The following GTF2E2 variants were observed in gnomAD, a reference collection of about 807,000 sequenced individuals.
GTF2E2 encodes the protein transcription initiation factor IIE subunit beta.
GTF2E2 carries 21 observed loss-of-function variants against 40.5 expected under a neutral mutation model. The ratio of observed to expected loss-of-function variants is 0.52; its 90% confidence interval spans 0.37 to 0.75. The LOEUF is 0.75. Ranked by LOEUF, GTF2E2 falls within the 30% of genes least tolerant of loss-of-function variation. The pLI is 0.00. For synonymous variants in GTF2E2, 117 were observed against 121.6 expected (o/e 0.96, Z 0.25); for missense variants, 298 against 338.4 (o/e 0.88, Z 0.94).
At chr8:30,592,569 A>C (rs561295176) in intron 6 of GTF2E2, among the ~76,000 whole-genome samples, 1 of 152,216 alleles carries the variant, frequency 6.6e-6, no homozygotes, top group African/African-American at 2.4e-5. Context: ...AGTCTCTGAT[A>C]TCAAATGGTA....
chr8:30,639,943 A>G (rs1424472512), intron 2 of GTF2E2, among the ~76,000 whole-genome samples: 1 of 152,172 alleles, frequency 6.6e-6, no homozygotes, highest in Non-Finnish European at 1.5e-5. Flanking sequence ...AAAGTACAGA[A>G]GCACCAAACA....
intron 2 of GTF2E2, chr8:30,645,714 T>C: frequency 2.8e-6 from 3 of 1,069,028 alleles, no homozygotes; most frequent in Non-Finnish European, 3.9e-6. Flanking sequence ...GGTTAAAACA[T>C]TTCTAGTAGA....
chr8:30,604,181 A>G (rs1829258414), intron 6 of GTF2E2, among the ~76,000 whole-genome samples: 1 of 152,158 alleles, frequency 6.6e-6, no homozygotes, highest in African/African-American at 2.4e-5. Context: ...CCAAAATCTG[A>G]CAAAGCACAC....
chr8:30,609,293 A>C (rs745413116), intron 5 of GTF2E2, among the ~76,000 whole-genome samples: 1 of 151,538 alleles, frequency 6.6e-6, no homozygotes, highest in African/African-American at 2.4e-5. Flanking sequence ...GAAAGAAAGA[A>C]AGAAAGAAAT....
intron 2 of GTF2E2, among the ~76,000 whole-genome samples, chr8:30,639,128 G>C (rs1801717523): frequency 6.6e-6 from 1 of 152,118 alleles, no homozygotes; most frequent in South Asian, 2.1e-4. Context: ...TAGAATATGA[G>C]AAAATAGTTC....
intron 6 of GTF2E2, among the ~76,000 whole-genome samples, chr8:30,588,291 C>CT (rs1470586630): frequency 2.0e-5 from 3 of 152,126 alleles, no homozygotes; most frequent in Non-Finnish European, 4.4e-5. Context: ...TGCAGCATTA[C>CT]TTACAACAGT....
intron 3 of GTF2E2, among the ~76,000 whole-genome samples, chr8:30,629,290 T>C (rs941334978): frequency 1.3e-5 from 2 of 152,202 alleles, no homozygotes; most frequent in African/African-American, 4.8e-5. Context: ...ATTTAATGTC[T>C]ATGGACTCCA....
intron 2 of GTF2E2, among the ~76,000 whole-genome samples, chr8:30,639,211 A>G (rs1447300668): frequency 2.0e-5 from 3 of 152,244 alleles, no homozygotes; most frequent in Admixed American, 6.5e-5. Flanking sequence ...TAATTTTTAT[A>G]TAAAAGATCA....
At position 30,614,698 on chromosome 8, in the gene GTF2E2, T is replaced by G. The variant is rs1443854022; in HGVS notation, c.276A>C (p.Gly92=). 1 of 1,599,536 alleles carries G rather than the reference T, an allele frequency of 6.3e-7. No homozygotes were observed. The highest frequency in any genetic ancestry group is 1.1e-5 in the South Asian group (1 of 90,392). The stretch of plus-strand genomic sequence containing the variant: ...CATCTAAGGTTAGAGGATGCGTATC[T>G]CCTCGCTGATGCCGTGTCTATCAAG... ...VNYMKTRHQR[G]DTHPLTLDEI... Residue 92 remains glycine (G), a synonymous_variant, in exon 4 of 8, where the codon GGA becomes GGC. Transcript: ENST00000355904.
rs1802508197 is a variant in GTF2E2, at chr8:30,658,159, G to A, written c.-191C>T. 2 of 195,588 alleles carry A rather than the reference G, an allele frequency of 1.0e-5. No individual in the cohort carries two copies. The highest frequency in any genetic ancestry group is 2.1e-5 in the Non-Finnish European group (2 of 96,666). 12.1% of individuals were successfully genotyped at this position (195,588 alleles called of 1,614,324 possible). On this transcript the variant is annotated 5_prime_UTR_variant, in exon 1 of 8. Transcript: ENST00000355904. ...CACTGGCGGTGGCGGCGGCGGCGGCGGCAGCGGCGGTAGCTGAGGCGGCGA... is the reference window on the plus strand; with the variant it reads ...CACTGGCGGTGGCGGCGGCGGCGGCAGCAGCGGCGGTAGCTGAGGCGGCGA...
intron 2 of GTF2E2, among the ~76,000 whole-genome samples, chr8:30,641,927 A>G (rs1459783921): frequency 6.6e-6 from 1 of 152,216 alleles, no homozygotes; most frequent in East Asian, 1.9e-4. Flanking sequence ...TCAGCCTCCC[A>G]AAGTGTGGGG....
At chr8:30,604,965 G>C (rs1446412028) in intron 6 of GTF2E2, among the ~76,000 whole-genome samples, 1 of 152,056 alleles carries the variant, frequency 6.6e-6, no homozygotes, top group African/African-American at 2.4e-5. Context: ...AGCACACAAG[G>C]GCCAGAAAGT....
intron 2 of GTF2E2, among the ~76,000 whole-genome samples, chr8:30,639,145 ATTT>A (rs1309347011): frequency 1.3e-5 from 2 of 152,172 alleles, no homozygotes; most frequent in South Asian, 2.1e-4. Flanking sequence ...GTTCAAAATT[ATTT>A]TTATTTTGCT....
intron 6 of GTF2E2, among the ~76,000 whole-genome samples, chr8:30,582,889 G>A (rs1828553694): frequency 6.6e-6 from 1 of 152,110 alleles, no homozygotes; most frequent in African/African-American, 2.4e-5. Flanking sequence ...TTAATGGAGA[G>A]ATATTTTCAG....
intron 2 of GTF2E2, among the ~76,000 whole-genome samples, chr8:30,649,832 A>G (rs1175058822): frequency 6.6e-6 from 1 of 152,234 alleles, no homozygotes; most frequent in Non-Finnish European, 1.5e-5. Context: ...ATTATAAGGG[A>G]GTACTTTGAA....
intron 3 of GTF2E2, among the ~76,000 whole-genome samples, chr8:30,630,374 G>C (rs773411193): frequency 6.6e-6 from 1 of 152,128 alleles, no homozygotes; most frequent in Non-Finnish European, 1.5e-5. Flanking sequence ...AAATCTCACT[G>C]TACCTATCTA....
intron 3 of GTF2E2, among the ~76,000 whole-genome samples, chr8:30,632,021 G>GT: frequency 6.6e-6 from 1 of 152,130 alleles, no homozygotes; most frequent in Non-Finnish European, 1.5e-5. Flanking sequence ...GAGGTGGGAG[G>GT]ATCACTTGAG....
chr8:30,598,260 C>A (rs955283730), intron 6 of GTF2E2, among the ~76,000 whole-genome samples: 2 of 152,178 alleles, frequency 1.3e-5, no homozygotes, highest in African/African-American at 2.4e-5. Flanking sequence ...ACAGAAATTT[C>A]TTTGCCTTTC....
chr8:30,646,517 C>G (rs1802081379), intron 2 of GTF2E2, among the ~76,000 whole-genome samples: 1 of 152,186 alleles, frequency 6.6e-6, no homozygotes, highest in Non-Finnish European at 1.5e-5. Context: ...AACCACCACA[C>G]TACCCCTAAG....
Sources: allele counts gnomAD v4.1 joint callset (sites outside exome capture counted in the v4.1 genomes callset), GRCh38; gene constraint gnomAD v4.1.1; transcripts MANE v1.5; gene names NCBI Gene and HGNC (gene_info 2026-07-23, HGNC 2026-07-21).